MUC6: variants seen among roughly 807,000 people sequenced by gnomAD.
MUC6 encodes mucin 6, oligomeric mucus/gel-forming (gene/pseudogene).
MUC6 carries 188 observed loss-of-function variants against 201.5 expected under a neutral mutation model. That is an observed-to-expected ratio of 0.93 (90% CI 0.83 to 1.05). MUC6 has a LOEUF of 1.05. MUC6 is among the 50% of genes least tolerant of loss of function. The pLI is 0.00. For missense variants in MUC6, 2,706 were observed against 3,256.9 expected, an observed-to-expected ratio of 0.83 and a Z score of 4.12; for synonymous variants, 1,228 against 1,389.4, an observed-to-expected ratio of 0.88 and a Z score of 2.58.
chr11:1,015,787 G>A lies in MUC6; in HGVS notation c.7014C>T (p.Leu2338=), dbSNP rs371390901. The A allele has an allele frequency of 2.0e-5, 31 of 1,548,740 alleles. No individual in the cohort carries two copies. Among genetic ancestry groups the A allele is most frequent in the Middle Eastern group, 3.5e-4 (2 of 5,764 alleles). The part of the protein sequence containing the change: ...STPASAPVSS[L]GTPTPTSPGV... ...CGGGTGAGGTGGGCGTAGGTGTCCC[G>A]AGAGAAGATACCGGGGCAGAAGCAG... Residue 2338 remains leucine (L), a synonymous_variant, in exon 31 of 33, where the codon CTC becomes CTT. Coordinates refer to ENST00000421673, the MANE Select transcript of MUC6 (RefSeq NM_005961.3).
chr11:1,013,971 T>A lies in MUC6; in HGVS notation c.7070A>T (p.Glu2357Val). 1 of 1,608,924 alleles carries A rather than the reference T, an allele frequency of 6.2e-7. No homozygotes were observed. The highest frequency in any genetic ancestry group is 1.1e-5 in the South Asian group (1 of 90,198). The change falls in exon 32 of 33, where the codon GAG (glutamate) becomes GTG (valine). Residue 2357 changes from glutamate (E) to valine (V), a missense_variant. By Grantham distance (121) the Glu-to-Val change is moderately radical. Around this residue, in one of 10 missense-constraint regions of MUC6, gnomAD observed 586 missense variants for 488.0 expected, o/e 1.20. Coordinates refer to ENST00000421673, the MANE Select transcript of MUC6 (RefSeq NM_005961.3). ...CGCCATGCACCCCTTGAACGTGATCTCCTCCTGCTGCTCCCGCACACTGCA... is the reference window on the plus strand; with the variant it reads ...CGCCATGCACCCCTTGAACGTGATCACCTCCTGCTGCTCCCGCACACTGCA... ...GVCSVREQQE[E>V]ITFKGCMANV...
intron 6 of MUC6, 69 bp downstream of exon 6, chr11:1,030,878 G>A (rs1857085176): frequency 6.5e-7 from 1 of 1,529,736 alleles, no homozygotes; most frequent in African/African-American, 1.4e-5. Context: ...GCTGCTTGTG[G>A]GGGCCCTTGG....
chr11:1,015,973 GAGAGA>G lies in MUC6; in HGVS notation c.6823_6827del (p.Ser2275HisfsTer97). On this transcript the variant is annotated frameshift_variant, in exon 31 of 33. Coordinates refer to ENST00000421673, the MANE Select transcript of MUC6 (RefSeq NM_005961.3). LOFTEE classifies it high-confidence loss of function. ...AGCCTGATGTGGGAACTCGGGTGGT[GAGAGA>G]AGTGGACCGCGAGGTGGTGGACTGA... 1 of 1,594,378 alleles carries G rather than the reference GAGAGA, an allele frequency of 6.3e-7. No homozygotes were observed. The highest frequency in any genetic ancestry group is 1.7e-4 in the Middle Eastern group (1 of 5,984).
Position 1,030,253 on chromosome 11 carries a change from G to C in MUC6, c.975C>G (p.Ser325Arg). Reference protein sequence around the residue: ...CVKTCSNPQHSCSSSCTFGCF... With the variant: ...CVKTCSNPQHRCSSSCTFGCF... ...ACCCGAAGGTGCAGGAGCTGGAGCA[G>C]CTGTGCTGCGGGTTGGAGCAGGTCT... The change falls in exon 8 of 33, where the codon AGC becomes AGG. Residue 325 changes from serine (S) to arginine (R), a missense_variant. By Grantham distance (110) the Ser-to-Arg change is moderately radical. This residue lies in a region of MUC6 where 1,850 missense variants were observed against 1,958.3 expected (regional missense o/e 0.94). Coordinates refer to ENST00000421673, the MANE Select transcript of MUC6 (RefSeq NM_005961.3). The C allele has an allele frequency of 6.4e-7, 1 of 1,550,640 alleles. No individual in the cohort carries two copies. Among genetic ancestry groups the C allele is most frequent in the South Asian group, 1.2e-5 (1 of 84,064 alleles).
At chr11:1,019,968 TG>T in intron 29 of MUC6, 121 bp downstream of exon 29, 1 of 1,286,794 alleles carries the variant, frequency 7.8e-7, no homozygotes, top group Non-Finnish European at 1.1e-6. Flanking sequence ...AGTTCTACGC[TG>T]GGAATCTGCT....
At chr11:1,027,863 TG>T in intron 15 of MUC6, 46 bp from the exon 16 acceptor site, 1 of 1,593,502 alleles carries the variant, frequency 6.3e-7, no homozygotes, top group Middle Eastern at 1.7e-4. Context: ...CACCCTGCCC[TG>T]GGGACATGGG....
intron 26 of MUC6, 90 bp from the exon 27 acceptor site, chr11:1,021,367 G>GATT: frequency 1.7e-6 from 1 of 605,820 alleles, no homozygotes; most frequent in Non-Finnish European, 2.5e-6. Context: ...CTTCCTCTCT[G>GATT]CTTTTTTTTT....
intron 26 of MUC6, 78 bp downstream of exon 26, chr11:1,023,431 C>G: frequency 6.8e-7 from 1 of 1,466,036 alleles, no homozygotes; most frequent in Non-Finnish European, 9.2e-7. Flanking sequence ...TGAATGAATG[C>G]GTGTGAATGA....
chr11:1,024,026 CAG>C lies in MUC6; in HGVS notation c.3301_3302del (p.Leu1101ValfsTer83). ...GGGCGTAGGCAGCCACGGCATCGCA[CAG>C]ACACTCACAGTCCCCGCCACTGTCA... ...GCDSGGDCEC[L>X]CDAVAAYAQA... On this transcript the variant is annotated frameshift_variant, in exon 25 of 33. Coordinates refer to ENST00000421673, the MANE Select transcript of MUC6 (RefSeq NM_005961.3). LOFTEE classifies it high-confidence loss of function. The C allele has an allele frequency of 6.2e-7, 1 of 1,611,636 alleles. No individual in the cohort carries two copies. Among genetic ancestry groups the C allele is most frequent in the Non-Finnish European group, 8.5e-7 (1 of 1,179,474 alleles).
chr11:1,026,364 G>T lies in MUC6; in HGVS notation c.2509C>A (p.Pro837Thr). 1 of 1,601,124 alleles carries T rather than the reference G, an allele frequency of 6.2e-7. No individual in the cohort carries two copies. Among genetic ancestry groups the T allele is most frequent in the Non-Finnish European group, 8.5e-7 (1 of 1,174,320 alleles). Residue 837 changes from proline (P) to threonine (T), a missense_variant, in exon 20 of 33, where the codon CCT (proline) becomes ACT (threonine). This residue lies in a region of MUC6 where 1,850 missense variants were observed against 1,958.3 expected (regional missense o/e 0.94). Coordinates refer to ENST00000421673, the MANE Select transcript of MUC6 (RefSeq NM_005961.3). ...TCAGTGTGGAGCTCAGCTCCTCCAG[G>T]GTAGGAGACCCCCGAGAACTCACAT... ...CPCEFSGVSY[P>T]GGAELHTDCR...
In MUC6 at chr11:1,027,279, G is replaced by A. The variant is rs376692745; in HGVS notation, c.2220C>T (p.Asn740=). 86 of 1,612,282 alleles carry A rather than the reference G, an allele frequency of 5.3e-5. No individual in the cohort carries two copies. The highest frequency in any genetic ancestry group is 6.6e-5 in the Non-Finnish European group (78 of 1,179,822). Reference sequence around the variant, plus strand: ...GCCCGGTCCCTCACCAGGTGATGCCGTTGATGACAGTGGACTGCTCGGCCA... The same window carrying A: ...GCCCGGTCCCTCACCAGGTGATGCCATTGATGACAGTGGACTGCTCGGCCA... The part of the protein sequence containing the change: ...FILAEQSTVI[N]GITCHCINGR... Residue 740 remains asparagine, a synonymous_variant, in exon 17 of 33, where the codon AAC becomes AAT. Coordinates refer to ENST00000421673, the MANE Select transcript of MUC6 (RefSeq NM_005961.3).
At chr11:1,029,650 A>C in intron 8 of MUC6, 35 bp from the exon 9 acceptor site, 1 of 1,534,974 alleles carries the variant, frequency 6.5e-7, no homozygotes, top group Non-Finnish European at 8.8e-7. Flanking sequence ...CTTGGGTGGG[A>C]CTGACTGCCT....
At chr11:1,014,796 G>A (rs1472275632) in intron 31 of MUC6, among the ~76,000 whole-genome samples, 1 of 152,172 alleles carries the variant, frequency 6.6e-6, no homozygotes, top group African/African-American at 2.4e-5. Context: ...GGCTTTCTCC[G>A]GGAGGGTCAG....
At position 1,015,796 on chromosome 11, in the gene MUC6, T is replaced by C. The variant is rs770119786; in HGVS notation, c.7005A>G (p.Val2335=). ...AHGSTPASAP[V]SSLGTPTPTS... is the part of the protein sequence containing the mutation. ...TGGGCGTAGGTGTCCCGAGAGAAGA[T>C]ACCGGGGCAGAAGCAGGGGTGCTTC... is the stretch of plus-strand genomic sequence containing the variant. The change falls in exon 31 of 33, where the codon GTA becomes GTG. Residue 2335 remains valine, a synonymous_variant. Coordinates refer to ENST00000421673, the MANE Select transcript of MUC6 (RefSeq NM_005961.3). 8 of 1,552,908 alleles carry C rather than the reference T, an allele frequency of 5.2e-6. No individual in the cohort carries two copies. In the African/African-American group the frequency reaches 8.2e-5, roughly 16 times the overall value.
At chr11:1,030,519 T>A (rs576131372) in intron 7 of MUC6, 54 bp downstream of exon 7, 1 of 1,460,082 alleles carries the variant, frequency 6.8e-7, no homozygotes, top group East Asian at 2.5e-5. Context: ...CTGGGAGAGC[T>A]GGGTCTGGAG....
rs775136204 is a variant in MUC6 at position 1,015,841 on chromosome 11, G to A, written c.6960C>T (p.Thr2320=). 2 of 1,598,808 alleles carry A rather than the reference G, an allele frequency of 1.3e-6. No homozygotes were observed. The highest frequency in any genetic ancestry group is 2.3e-5 in the South Asian group (2 of 88,116). ...PTLSPTTRFL[T]SSLTAHGSTP... ...TGCTTCCATGGGCAGTGAGGGAGCT[G>A]GTCAGGAACCGTGTGGTAGGCGACA... Residue 2320 remains threonine, a synonymous_variant, in exon 31 of 33, where the codon ACC becomes ACT. Transcript: ENST00000421673.
rs1199066619 is a variant in MUC6, at chr11:1,026,405, G to T, written c.2468C>A (p.Pro823His). 3.1e-6 allele frequency: 5 copies of T among 1,608,602 alleles called. No individual in the cohort carries two copies. Among genetic ancestry groups the T allele is most frequent in the African/African-American group, 2.7e-5 (2 of 74,764 alleles). ...GAACTCACATGGGCACTCCTCGGGG[G>T]GCACACACTGCCCGTCGGCATTCTC... is the stretch of plus-strand genomic sequence containing the variant. The part of the protein sequence containing the change: ...LYENADGQCV[P>H]PEECPCEFSG... The change falls in exon 20 of 33, where the codon CCC (proline) becomes CAC (histidine). Residue 823 changes from proline to histidine, a missense_variant. Around this residue, in one of 10 missense-constraint regions of MUC6, gnomAD observed 1,850 missense variants for 1,958.3 expected, o/e 0.94. Coordinates refer to ENST00000421673, the MANE Select transcript of MUC6 (RefSeq NM_005961.3).
At chr11:1,022,792 C>CGTGT (rs200854044) in intron 26 of MUC6, among the ~76,000 whole-genome samples, 3,314 of 152,236 alleles carry the variant, frequency 0.022, 132 homozygotes, top group African/African-American at 0.076. Flanking sequence ...CATGAATGTG[C>CGTGT]GTGTGTGTAT....
chr11:1,015,624 AG>A, intron 31 of MUC6, 137 bp downstream of exon 31: 1 of 1,370,836 alleles, frequency 7.3e-7, no homozygotes, highest in African/African-American at 1.5e-5. Flanking sequence ...AACGCCTGGC[AG>A]GTGTGTAGGG....
Sources: allele counts gnomAD v4.1 joint callset (sites outside exome capture counted in the v4.1 genomes callset), GRCh38; gene constraint gnomAD v4.1.1; regional missense constraint gnomAD v4.1.1; transcripts MANE v1.5; gene names NCBI Gene and HGNC (gene_info 2026-07-23, HGNC 2026-07-21).